INPP5F: variants seen among roughly 807,000 people sequenced by gnomAD.
INPP5F encodes phosphatidylinositide 4-phosphatase SAC2.
In INPP5F, 97 loss-of-function variants were observed where a neutral mutation model predicts 137.2. That is an observed-to-expected ratio of 0.71 (90% CI 0.60 to 0.84). The LOEUF (loss-of-function observed/expected upper bound fraction) is 0.84. Ranked by LOEUF, INPP5F falls within the 40% of genes least tolerant of loss-of-function variation. The pLI is 0.00. For missense variants in INPP5F, 1,271 were observed against 1,371.9 expected, an observed-to-expected ratio of 0.93 and a Z score of 1.16; for synonymous variants, 504 against 476.9, an observed-to-expected ratio of 1.06 and a Z score of -0.74.
chr10:119,794,477 C>T (rs1423637190), intron 6 of INPP5F, among the ~76,000 whole-genome samples: 1 of 152,038 alleles, frequency 6.6e-6, no homozygotes, highest in Non-Finnish European at 1.5e-5. Flanking sequence ...CCTTTCCCCC[C>T]TTTCTATTCC....
chr10:119,784,479 T>C (rs1849810756), intron 3 of INPP5F, among the ~76,000 whole-genome samples: 1 of 152,236 alleles, frequency 6.6e-6, no homozygotes, highest in African/African-American at 2.4e-5. Context: ...GATTTGGATG[T>C]CTGTGTATCA....
At chr10:119,786,266 G>T (rs1849912071) in intron 3 of INPP5F, among the ~76,000 whole-genome samples, 3 of 152,200 alleles carry the variant, frequency 2.0e-5, no homozygotes, top group Admixed American at 2.0e-4. Flanking sequence ...GCGTGTTTCA[G>T]AGTTGTGATA....
intron 2 of INPP5F, among the ~76,000 whole-genome samples, chr10:119,763,190 C>G (rs1262123501): frequency 2.0e-5 from 3 of 152,178 alleles, no homozygotes; most frequent in Admixed American, 2.0e-4. Context: ...TCTTAAGGCT[C>G]GAGAATAATC....
intron 8 of INPP5F, among the ~76,000 whole-genome samples, 182 bp from the exon 9 acceptor site, chr10:119,798,361 G>T (rs1044474218): frequency 6.6e-6 from 1 of 152,012 alleles, no homozygotes; most frequent in South Asian, 2.1e-4. Context: ...TTTTAGTGTA[G>T]TGTAACTGGA....
At chr10:119,814,036 T>C (rs1263762907) in intron 15 of INPP5F, among the ~76,000 whole-genome samples, 2 of 152,156 alleles carry the variant, frequency 1.3e-5, no homozygotes, top group Non-Finnish European at 2.9e-5. Context: ...AATCCAGCAC[T>C]ATAGAATTTG....
intron 9 of INPP5F, among the ~76,000 whole-genome samples, chr10:119,798,987 T>A (rs574784661): frequency 6.6e-6 from 1 of 152,240 alleles, no homozygotes; most frequent in East Asian, 1.9e-4. Flanking sequence ...TTGCTATCAA[T>A]TAATTATAAC....
At chr10:119,730,369 C>T (rs537725978) in intron 1 of INPP5F, among the ~76,000 whole-genome samples, 60 of 152,212 alleles carry the variant, frequency 3.9e-4, no homozygotes, top group Non-Finnish European at 8.1e-4. Flanking sequence ...CCCGGCCTCC[C>T]GAAGTGCTGG....
Position 119,827,853 on chromosome 10 carries a change from T to C in INPP5F, c.*73T>C, listed in dbSNP as rs1451479642. On this transcript the variant is annotated 3_prime_UTR_variant, in exon 20 of 20. Coordinates refer to ENST00000650623, the MANE Select transcript of INPP5F (RefSeq NM_014937.4). ...ATTTTCACCTCTTGGGGTATTTTAA[T>C]TGTACTGTCTGAACCCAGGGATCAC... The C allele has an allele frequency of 9.1e-7, 1 of 1,097,804 alleles. No individual in the cohort carries two copies. Among genetic ancestry groups the C allele is most frequent in the Non-Finnish European group, 1.3e-6 (1 of 763,086 alleles). The allele number at this position is 1,097,804 out of a possible 1,614,324, so 68.0% of individuals were successfully genotyped here. A position where few individuals can be genotyped will look rare whatever the true frequency, so the allele number is the denominator to read the frequency against.
Position 119,819,705 on chromosome 10 carries a change from C to T in INPP5F, c.1887-1141C>T, listed in dbSNP as rs148633793. The T allele has an allele frequency of 5.2e-4, 223 of 431,010 alleles. 1 individual carries two copies. In the East Asian group the frequency reaches 6.9e-3, roughly 13 times the overall value. 26.7% of individuals were successfully genotyped at this position (431,010 alleles called of 1,614,324 possible). ...TCCCGGTCTTGGCATCTCATTATGTCATTTGCTGTATTTTTTGATATATTA... is the reference window on the plus strand; with the variant it reads ...TCCCGGTCTTGGCATCTCATTATGTTATTTGCTGTATTTTTTGATATATTA... On this transcript the variant is annotated intron_variant, in intron 15 of 19. Transcript: ENST00000650623.
At chr10:119,785,434 T>G (rs1418106432) in intron 3 of INPP5F, among the ~76,000 whole-genome samples, 4 of 151,598 alleles carry the variant, frequency 2.6e-5, no homozygotes, top group Admixed American at 2.6e-4. Flanking sequence ...TACAGGTGCA[T>G]GCCACCACAC....
intron 1 of INPP5F, among the ~76,000 whole-genome samples, chr10:119,731,578 C>T (rs1172125406): frequency 6.6e-6 from 1 of 152,050 alleles, no homozygotes; most frequent in African/African-American, 2.4e-5. Flanking sequence ...CCACAAGAAT[C>T]GATTGAACCT....
chr10:119,746,868 AAC>A (rs1210303496), intron 1 of INPP5F, among the ~76,000 whole-genome samples: 1 of 151,210 alleles, frequency 6.6e-6, no homozygotes. Context: ...AGCTCACGGC[AAC>A]CTCTACTTCC....
intron 13 of INPP5F, among the ~76,000 whole-genome samples, chr10:119,808,865 CCTT>C (rs1229674789): frequency 6.6e-6 from 1 of 152,142 alleles, no homozygotes; most frequent in Admixed American, 6.5e-5. Flanking sequence ...AAGCATCAGT[CCTT>C]CTTTTGCATT....
intron 6 of INPP5F, among the ~76,000 whole-genome samples, chr10:119,793,908 G>T (rs765387578): frequency 3.2e-4 from 49 of 152,226 alleles, no homozygotes; most frequent in Non-Finnish European, 7.3e-5. Context: ...GCCTCCTAAA[G>T]TGCTGGGATT....
At chr10:119,798,786 C>CTTTTTTTTTT (rs374141329) in intron 9 of INPP5F, among the ~76,000 whole-genome samples, 176 bp downstream of exon 9, 4 of 100,692 alleles carry the variant, frequency 4.0e-5, no homozygotes, top group African/African-American at 1.4e-4. Flanking sequence ...GAGTCAGCTA[C>CTTTTTTTTTT]TTTTTTTTTT....
At chr10:119,757,386 G>C (rs1335816726) in intron 2 of INPP5F, among the ~76,000 whole-genome samples, 6 of 151,848 alleles carry the variant, frequency 4.0e-5, no homozygotes, top group African/African-American at 1.2e-4. Flanking sequence ...TTAATATGAG[G>C]AACAGAAAGT....
chr10:119,801,431 C>T (rs1850588654), intron 9 of INPP5F, among the ~76,000 whole-genome samples: 1 of 152,214 alleles, frequency 6.6e-6, no homozygotes, highest in Non-Finnish European at 1.5e-5. Flanking sequence ...ACAGGAGTTA[C>T]CTCCAGGGAG....
At chr10:119,822,369 C>A in intron 16 of INPP5F, 62 bp from the exon 17 acceptor site, 1 of 862,794 alleles carries the variant, frequency 1.2e-6, no homozygotes, top group Non-Finnish European at 1.8e-6. Flanking sequence ...TTATGCCTTC[C>A]CTGACAAGCC....
intron 1 of INPP5F, among the ~76,000 whole-genome samples, chr10:119,730,121 T>G (rs1016477250): frequency 5.3e-5 from 8 of 152,110 alleles, no homozygotes; most frequent in African/African-American, 1.9e-4. Flanking sequence ...TTTTTCTTTC[T>G]TTTTTGAGAC....
Sources: gnomAD v4.1 joint callset for allele counts (sites outside exome capture counted in the v4.1 genomes callset) on GRCh38, gnomAD v4.1.1 for gene constraint, MANE v1.5 for transcripts, NCBI Gene and HGNC (gene_info 2026-07-23, HGNC 2026-07-21) for gene names.